Variants in LUC7L observed in about 807,000 individuals in gnomAD.
The protein encoded by LUC7L is putative RNA-binding protein Luc7-like 1.
A neutral mutation model predicts 51.1 loss-of-function variants in LUC7L; 29 were observed. That is an observed-to-expected ratio of 0.57 (90% confidence interval 0.42 to 0.77). The LOEUF is 0.77. LUC7L is among the 30% of genes least tolerant of loss of function. The pLI, the probability that LUC7L is intolerant of heterozygous loss-of-function variation, is 0.00. For synonymous variants in LUC7L, 181 were observed against 180.7 expected (o/e 1.00, Z -0.01); for missense variants, 403 against 511.9 (o/e 0.79, Z 2.05).
intron 5 of LUC7L, among the ~76,000 whole-genome samples, chr16:204,913 G>A (rs1184308099): frequency 1.3e-5 from 2 of 152,260 alleles, no homozygotes; most frequent in African/African-American, 4.8e-5. Context: ...AACCCTGTGA[G>A]TTCACTTTTT....
intron 1 of LUC7L, 134 bp downstream of exon 1, chr16:229,145 C>A (rs1271051935): frequency 7.1e-7 from 1 of 1,412,452 alleles, no homozygotes; most frequent in Admixed American, 3.3e-5. Context: ...CGCCTGCGGT[C>A]GGAGCGCGGG....
At chr16:214,091 G>GC (rs1000292110) in intron 3 of LUC7L, among the ~76,000 whole-genome samples, 2 of 150,108 alleles carry the variant, frequency 1.3e-5, no homozygotes, top group Admixed American at 6.6e-5. Flanking sequence ...TTTTTGAAAT[G>GC]GAGTCTTGCT....
At chr16:227,849 T>C (rs567993445) in intron 1 of LUC7L, 4 of 1,001,054 alleles carry the variant, frequency 4.0e-6, no homozygotes, top group Non-Finnish European at 4.8e-6. Flanking sequence ...AGATCTATTC[T>C]TCCTACGTCC....
At chr16:215,491 G>A (rs931894256) in intron 3 of LUC7L, among the ~76,000 whole-genome samples, 4 of 151,986 alleles carry the variant, frequency 2.6e-5, no homozygotes, top group East Asian at 1.9e-4. Flanking sequence ...ATGGTGGCGC[G>A]TGCCTGCAAT....
chr16:216,386 T>TG (rs1055244585), intron 3 of LUC7L, among the ~76,000 whole-genome samples: 19 of 148,384 alleles, frequency 1.3e-4, no homozygotes, highest in African/African-American at 3.7e-4. Context: ...AGTTGTTTTT[T>TG]TTTTTTTTTT....
rs1321198637 is a variant in LUC7L, at chr16:189,569, A to T, written c.975-230T>A. On this transcript the variant is annotated intron_variant, in intron 9 of 9. Transcript: ENST00000293872. ...ATAAGGAGAGCCTTCACTGTAACATAAACAGTGCAAAGGAGAATACAACAC... is the reference window on the plus strand; with the variant it reads ...ATAAGGAGAGCCTTCACTGTAACATTAACAGTGCAAAGGAGAATACAACAC... 6 of 1,384,428 alleles carry T rather than the reference A, an allele frequency of 4.3e-6. 1 individual carries two copies. Among genetic ancestry groups the T allele is most frequent in the Non-Finnish European group, 5.6e-6 (6 of 1,070,396 alleles). 85.8% of individuals were successfully genotyped at this position (1,384,428 alleles called of 1,614,324 possible). A position where few individuals can be genotyped will look rare whatever the true frequency, so the allele number is the denominator to read the frequency against.
intron 5 of LUC7L, among the ~76,000 whole-genome samples, chr16:199,580 T>A (rs1422834785): frequency 6.6e-6 from 1 of 151,698 alleles, no homozygotes; most frequent in South Asian, 2.1e-4. Flanking sequence ...AAGATCAGCC[T>A]GACCAACATG....
chr16:203,990 T>G (rs1043925967), intron 5 of LUC7L, among the ~76,000 whole-genome samples: 1 of 152,088 alleles, frequency 6.6e-6, no homozygotes, highest in Non-Finnish European at 1.5e-5. Context: ...CACTCCAGCC[T>G]GGGCGAATGA....
At chr16:192,081 C>A (rs925414292) in intron 7 of LUC7L, among the ~76,000 whole-genome samples, 2 of 152,194 alleles carry the variant, frequency 1.3e-5, no homozygotes, top group South Asian at 4.1e-4. Flanking sequence ...ATACACCACA[C>A]CCAGCCTTCC....
rs758600334 is a variant in LUC7L, at chr16:202,678, G to A, written c.510+3326C>T. On this transcript the variant is annotated intron_variant, in intron 5 of 9. Transcript: ENST00000293872. ...TTCTCACAATGATGAACCATGGAAC[G>A]CACTTCTCAGAATATTTAATCCTTG... 7.2e-5 allele frequency among the ~76,000 whole-genome samples: 11 copies of A among 152,222 alleles called. 1 individual carries two copies. The South Asian group carries it at 1.9e-3, about 26-fold the overall frequency.
chr16:197,202 C>G lies in LUC7L; in HGVS notation c.687+1860G>C, dbSNP rs542863408. Among the ~76,000 whole-genome samples the G allele has an allele frequency of 2.5e-3, 371 of 148,520 alleles. 1 individual carries two copies. Among genetic ancestry groups the G allele is most frequent in the African/African-American group, 9.0e-3 (364 of 40,390 alleles). On this transcript the variant is annotated intron_variant, in intron 6 of 9. Coordinates refer to ENST00000293872, the MANE Select transcript of LUC7L (RefSeq NM_201412.3). ...ATTACAGGAGGCTGAGCCTCTGCAC[C>G]CAGCCTTTTTTTTTTTTTTTTTTTT...
rs542581695 is a variant in LUC7L at position 196,196 on chromosome 16, T to A, written c.687+2866A>T. On this transcript the variant is annotated intron_variant, in intron 6 of 9. Coordinates refer to ENST00000293872, the MANE Select transcript of LUC7L (RefSeq NM_201412.3). Reference sequence around the variant, plus strand: ...GCCGAGACAGGTGGATCACCTGAGCTCAGGAGTTCGAGATCAGCCTGAGCA... The same window carrying A: ...GCCGAGACAGGTGGATCACCTGAGCACAGGAGTTCGAGATCAGCCTGAGCA... Among the ~76,000 whole-genome samples, 4 of 152,028 alleles carry A rather than the reference T, an allele frequency of 2.6e-5. No individual in the cohort carries two copies. The East Asian group carries it at 7.7e-4, about 29-fold the overall frequency.
At chr16:207,328 T>C (rs965308901) in intron 4 of LUC7L, among the ~76,000 whole-genome samples, 1 of 151,978 alleles carries the variant, frequency 6.6e-6, no homozygotes, top group Non-Finnish European at 1.5e-5. Flanking sequence ...GCTCAAGTGA[T>C]CCTCCCACCT....
At chr16:194,023 TCGATCTCCTGACCTCA>T (rs1394625401) in intron 6 of LUC7L, among the ~76,000 whole-genome samples, 3 of 150,870 alleles carry the variant, frequency 2.0e-5, no homozygotes, top group Non-Finnish European at 4.4e-5. Context: ...CAGGATGGTC[TCGATCTCCTGACCTCA>T]CGATCCGCCC....
rs1355213898 is a variant in LUC7L at position 223,249 on chromosome 16, T to G, written c.157-2502A>C. 5.3e-5 allele frequency among the ~76,000 whole-genome samples: 8 copies of G among 151,848 alleles called. No individual in the cohort carries two copies. In the East Asian group the frequency reaches 1.6e-3, roughly 30 times the overall value. ...CTGTAGTCCCAGCTACTCAGGAGGC[T>G]GAGGAAGGAGAATGGCATGAACCAG... On this transcript the variant is annotated intron_variant, in intron 2 of 9. Coordinates refer to ENST00000293872, the MANE Select transcript of LUC7L (RefSeq NM_201412.3).
At chr16:222,967 AAAAG>A (rs912759824) in intron 2 of LUC7L, among the ~76,000 whole-genome samples, 5 of 150,692 alleles carry the variant, frequency 3.3e-5, no homozygotes, top group South Asian at 2.1e-4. Flanking sequence ...AAAAAAAAAA[AAAAG>A]AAAGGAAGGC....
chr16:210,798 T>G (rs2049615458), intron 3 of LUC7L, among the ~76,000 whole-genome samples: 1 of 152,182 alleles, frequency 6.6e-6, no homozygotes, highest in African/African-American at 2.4e-5. Context: ...ACGCCTGTAA[T>G]CCCAGCACTT....
intron 7 of LUC7L, 26 bp from the exon 8 acceptor site, chr16:190,596 A>C: frequency 1.2e-6 from 2 of 1,611,574 alleles, no homozygotes; most frequent in Non-Finnish European, 1.7e-6. Context: ...AAAGATGAAC[A>C]AGGCCAGGCA....
chr16:227,556 G>C, intron 1 of LUC7L: 2 of 1,374,900 alleles, frequency 1.5e-6, no homozygotes, highest in Non-Finnish European at 1.9e-6. Flanking sequence ...AATGAGATCT[G>C]ACTCCATCAC....
Sources: allele counts gnomAD v4.1 joint callset (sites outside exome capture counted in the v4.1 genomes callset), GRCh38; gene constraint gnomAD v4.1.1; transcripts MANE v1.5; gene names NCBI Gene and HGNC (gene_info 2026-07-23, HGNC 2026-07-21).